SYT1: variants seen among roughly 807,000 people sequenced by gnomAD.
SYT1 encodes the protein synaptotagmin-1.
A neutral mutation model predicts 44.8 loss-of-function variants in SYT1; 8 were observed. That is an observed-to-expected ratio of 0.18 (90% CI 0.10 to 0.32). The LOEUF (loss-of-function observed/expected upper bound fraction) is 0.32, where lower values mean the gene tolerates loss of function less well. Ranked by LOEUF, SYT1 falls within the 10% of genes least tolerant of loss-of-function variation. The probability of loss-of-function intolerance (pLI) is 1.00; values close to 1 mark genes in which losing one functional copy is unlikely to be tolerated. For synonymous variants in SYT1, 154 were observed against 188.8 expected, an observed-to-expected ratio of 0.82 and a Z score of 1.51; for missense variants, 286 against 509.3, an observed-to-expected ratio of 0.56 and a Z score of 4.22.
chr12:79,187,704 C>G (rs546705516), intron 3 of SYT1, among the ~76,000 whole-genome samples: 2 of 152,094 alleles, frequency 1.3e-5, no homozygotes, highest in Non-Finnish European at 2.9e-5. Context: ...CAGTATATTT[C>G]TTTTTTCTTT....
At chr12:79,386,312 T>G (rs770035126) in intron 9 of SYT1, among the ~76,000 whole-genome samples, 2 of 34,900 alleles carry the variant, frequency 5.7e-5, no homozygotes, top group Non-Finnish European at 1.5e-4. Context: ...ATTTTTGGGT[T>G]TTTTTTTTTC....
chr12:79,230,710 T>G (rs1480812601), intron 4 of SYT1, among the ~76,000 whole-genome samples: 1 of 152,198 alleles, frequency 6.6e-6, no homozygotes, highest in Non-Finnish European at 1.5e-5. Context: ...GAGGGATTTT[T>G]ATAAACTTCC....
intron 10 of SYT1, among the ~76,000 whole-genome samples, chr12:79,447,655 A>G (rs964003052): frequency 6.6e-6 from 1 of 152,192 alleles, no homozygotes; most frequent in African/African-American, 2.4e-5. Context: ...TCTAAGAATC[A>G]GTATAGCCCT....
intron 5 of SYT1, among the ~76,000 whole-genome samples, chr12:79,291,188 T>A (rs1481649207): frequency 6.6e-6 from 1 of 152,246 alleles, no homozygotes; most frequent in East Asian, 1.9e-4. Flanking sequence ...AGTTTTAGGT[T>A]ATAAAGAGTA....
intron 1 of SYT1, among the ~76,000 whole-genome samples, chr12:78,884,189 A>G (rs1182056525): frequency 6.6e-6 from 1 of 151,682 alleles, no homozygotes; most frequent in African/African-American, 2.4e-5. Flanking sequence ...TCAACATTCC[A>G]TGATATACAC....
At chr12:79,116,611 A>C (rs867111840) in intron 3 of SYT1, among the ~76,000 whole-genome samples, 2 of 152,314 alleles carry the variant, frequency 1.3e-5, no homozygotes, top group African/African-American at 4.8e-5. Context: ...TGCTTTGTTC[A>C]CTTTTACCAG....
chr12:79,284,432 C>T (rs1171232256), intron 4 of SYT1, among the ~76,000 whole-genome samples: 1 of 152,076 alleles, frequency 6.6e-6, no homozygotes, highest in Non-Finnish European at 1.5e-5. Flanking sequence ...ACTAAACTCC[C>T]CTCTGTGTAT....
At chr12:79,412,564 G>A (rs1165158620) in intron 9 of SYT1, among the ~76,000 whole-genome samples, 2 of 152,012 alleles carry the variant, frequency 1.3e-5, no homozygotes, top group African/African-American at 4.8e-5. Flanking sequence ...CTGGGTGGGG[G>A]ACGGGACGAT....
chr12:79,105,824 G>A (rs1214779029), intron 3 of SYT1, among the ~76,000 whole-genome samples: 1 of 151,788 alleles, frequency 6.6e-6, no homozygotes, highest in East Asian at 1.9e-4. Context: ...AGCTTGCAGT[G>A]AGCCTAGATT....
intron 8 of SYT1, among the ~76,000 whole-genome samples, chr12:79,323,529 C>T (rs146554242): frequency 3.3e-5 from 5 of 152,136 alleles, no homozygotes; most frequent in East Asian, 3.8e-4. Context: ...ACACCGAAAA[C>T]GTCAGTCCAG....
chr12:78,944,315 T>C (rs1406284157), intron 1 of SYT1, among the ~76,000 whole-genome samples: 1 of 148,882 alleles, frequency 6.7e-6, no homozygotes, highest in Non-Finnish European at 1.5e-5. Flanking sequence ...TAATTTTATT[T>C]ATCTTTTTTC....
chr12:79,446,028 T>TATATAC (rs1870712846), intron 10 of SYT1, among the ~76,000 whole-genome samples: 1 of 130,968 alleles, frequency 7.6e-6, no homozygotes, highest in African/African-American at 2.9e-5. Flanking sequence ...TATATATATA[T>TATATAC]ATATATTATG....
At chr12:79,037,839 G>A (rs1873237375) in intron 2 of SYT1, among the ~76,000 whole-genome samples, 2 of 151,654 alleles carry the variant, frequency 1.3e-5, no homozygotes, top group African/African-American at 4.8e-5. Context: ...ATACTCTTTA[G>A]TAGTTATCCA....
chr12:79,227,493 A>G (rs1875592143), intron 4 of SYT1, among the ~76,000 whole-genome samples: 1 of 152,174 alleles, frequency 6.6e-6, no homozygotes, highest in African/African-American at 2.4e-5. Flanking sequence ...TAGAAAGTCA[A>G]ATAGCCAGAA....
chr12:79,146,177 T>G (rs1869900167), intron 3 of SYT1, among the ~76,000 whole-genome samples: 1 of 152,214 alleles, frequency 6.6e-6, no homozygotes, highest in Non-Finnish European at 1.5e-5. Flanking sequence ...GTACAGCCTG[T>G]GTCCTAACCA....
At chr12:79,024,717 TATC>T (rs1283883079) in intron 2 of SYT1, among the ~76,000 whole-genome samples, 1 of 151,786 alleles carries the variant, frequency 6.6e-6, no homozygotes, top group Admixed American at 6.6e-5. Context: ...AACTTAGCAA[TATC>T]ATTTCTGTAG....
At chr12:79,134,600 G>GT (rs1869061917) in intron 3 of SYT1, among the ~76,000 whole-genome samples, 1 of 152,150 alleles carries the variant, frequency 6.6e-6, no homozygotes, top group Non-Finnish European at 1.5e-5. Context: ...TTTTTTAATA[G>GT]TATGTTACTT....
At chr12:79,179,067 GAT>G (rs1444326197) in intron 3 of SYT1, among the ~76,000 whole-genome samples, 3 of 23,938 alleles carry the variant, frequency 1.3e-4, no homozygotes, top group Non-Finnish European at 4.5e-4. Context: ...TATAGATATA[GAT>G]ATATAGATAT....
intron 3 of SYT1, among the ~76,000 whole-genome samples, chr12:79,124,955 T>C (rs993866942): frequency 6.6e-6 from 1 of 152,094 alleles, no homozygotes; most frequent in Non-Finnish European, 1.5e-5. Context: ...AGGAGGGAAA[T>C]TGAGAGATGG....
Sources: gnomAD v4.1 joint callset for allele counts (sites outside exome capture counted in the v4.1 genomes callset) on GRCh38, gnomAD v4.1.1 for gene constraint, MANE v1.5 for transcripts, NCBI Gene and HGNC (gene_info 2026-07-23, HGNC 2026-07-21) for gene names.